The following RAB43 variants were observed in gnomAD, a reference collection of about 807,000 sequenced individuals.
RAB43 encodes ras-related protein Rab-43.
RAB43 carries 6 observed loss-of-function variants against 18.8 expected under a neutral mutation model. The ratio of observed to expected loss-of-function variants is 0.32; its 90% CI spans 0.17 to 0.63. RAB43 has a LOEUF of 0.63. Among genes scored for constraint, RAB43 ranks in the 30% least tolerant of loss-of-function variants. The pLI, the probability that RAB43 is intolerant of heterozygous loss-of-function variation, is 0.79. For synonymous variants in RAB43, 103 were observed against 124.1 expected (o/e 0.83, Z 1.13); for missense variants, 195 against 289.1 (o/e 0.67, Z 2.36).
intron 1 of RAB43, among the ~76,000 whole-genome samples, chr3:129,111,052 C>T (rs1225083564): frequency 3.3e-5 from 5 of 152,134 alleles, no homozygotes; most frequent in Admixed American, 1.3e-4. Flanking sequence ...CACACCTCAC[C>T]TTCCACCCAT....
chr3:129,102,680 G>A (rs910753703), intron 1 of RAB43, among the ~76,000 whole-genome samples: 14 of 149,088 alleles, frequency 9.4e-5, no homozygotes, highest in Admixed American at 7.4e-4. Flanking sequence ...CTTGTCATGG[G>A]ATCACAGAGA....
intron 1 of RAB43, among the ~76,000 whole-genome samples, chr3:129,114,976 A>G (rs1576847227): frequency 6.6e-6 from 1 of 150,686 alleles, no homozygotes; most frequent in South Asian, 2.1e-4. Flanking sequence ...CCTGACCCCC[A>G]CCCCCCGCAA....
chr3:129,092,028 AG>A (rs1379764078), intron 2 of RAB43, among the ~76,000 whole-genome samples: 1 of 151,192 alleles, frequency 6.6e-6, no homozygotes, highest in Admixed American at 6.6e-5. Flanking sequence ...ACTGTACTCC[AG>A]CCTGGGCAAC....
At chr3:129,117,367 A>G (rs1316197419) in intron 1 of RAB43, among the ~76,000 whole-genome samples, 1 of 152,220 alleles carries the variant, frequency 6.6e-6, no homozygotes, top group African/African-American at 2.4e-5. Flanking sequence ...GGCAGGGTTG[A>G]AGCAAGACTC....
Position 129,099,911 on chromosome 3 carries a change from A to AT in RAB43, c.205-4743dup, listed in dbSNP as rs773890917. Among the ~76,000 whole-genome samples, 13 of 152,356 alleles carry AT rather than the reference A, an allele frequency of 8.5e-5. No individual in the cohort carries two copies. In the East Asian group the frequency reaches 9.6e-4, roughly 11 times the overall value. On this transcript the variant is annotated intron_variant, in intron 1 of 2. Coordinates refer to ENST00000315150, the MANE Select transcript of RAB43 (RefSeq NM_198490.3). Reference sequence around the variant, plus strand: ...TAATACCAAACTGTCTCATACTCACATAATTGCAGTTCCAGGAAAAGATAG... The same window carrying AT: ...TAATACCAAACTGTCTCATACTCACATTAATTGCAGTTCCAGGAAAAGATAG...
Position 129,109,928 on chromosome 3 carries a change from G to A in RAB43, c.204+11358C>T, listed in dbSNP as rs887928429. On this transcript the variant is annotated intron_variant, in intron 1 of 2. Transcript: ENST00000315150. ...CACTTAGGCTGGAGTGCAGTGGTGC[G>A]ATCCTGGCTCACTGCAGCCTCGACC... 4.6e-5 allele frequency among the ~76,000 whole-genome samples: 7 copies of A among 151,492 alleles called. No individual in the cohort carries two copies. In the East Asian group the frequency reaches 7.8e-4, roughly 17 times the overall value.
At chr3:129,102,106 C>T (rs1399979362) in intron 1 of RAB43, among the ~76,000 whole-genome samples, 2 of 152,232 alleles carry the variant, frequency 1.3e-5, no homozygotes, top group Non-Finnish European at 2.9e-5. Context: ...AAGCTCTTCT[C>T]TCCCACCTCT....
chr3:129,092,849 G>A (rs1298817310), intron 2 of RAB43, among the ~76,000 whole-genome samples: 6 of 151,600 alleles, frequency 4.0e-5, no homozygotes, highest in East Asian at 2.0e-4. Flanking sequence ...CCAGCTACTC[G>A]GGAGGCTGAG....
At chr3:129,111,509 CAAAAAA>C (rs59684183) in intron 1 of RAB43, among the ~76,000 whole-genome samples, 3 of 68,620 alleles carry the variant, frequency 4.4e-5, no homozygotes, top group Non-Finnish European at 9.2e-5. Flanking sequence ...GACTCTGTCT[CAAAAAA>C]AAAAAAAAAA....
intron 1 of RAB43, among the ~76,000 whole-genome samples, chr3:129,114,463 C>T (rs1342203244): frequency 2.0e-5 from 3 of 152,176 alleles, no homozygotes; most frequent in South Asian, 2.1e-4. Flanking sequence ...TGGGGATAGT[C>T]TCCCACAGGG....
Position 129,102,464 on chromosome 3 carries a change from A to G in RAB43, c.205-7295T>C, listed in dbSNP as rs112501819. On this transcript the variant is annotated intron_variant, in intron 1 of 2. Transcript: ENST00000315150. The stretch of plus-strand genomic sequence containing the variant: ...GCTAACATGGTGAAACCCCGTCTCT[A>G]CTAAAAATACAAAAAATTAGCTGGG... Among the ~76,000 whole-genome samples the G allele has an allele frequency of 7.4e-3, 1,127 of 152,100 alleles. 13 individuals carry two copies. The highest frequency in any genetic ancestry group is 0.026 in the African/African-American group (1,066 of 41,464).
At chr3:129,102,235 C>T (rs187922970) in intron 1 of RAB43, among the ~76,000 whole-genome samples, 13 of 152,330 alleles carry the variant, frequency 8.5e-5, no homozygotes, top group African/African-American at 3.1e-4. Flanking sequence ...CCTCCTTCTC[C>T]AGGTCAGTCT....
At chr3:129,098,568 T>C (rs893740511) in intron 1 of RAB43, among the ~76,000 whole-genome samples, 5 of 152,090 alleles carry the variant, frequency 3.3e-5, no homozygotes, top group African/African-American at 4.8e-5. Context: ...AAGCAATCTA[T>C]TGACACTGAT....
chr3:129,091,474 T>A, intron 2 of RAB43, 128 bp from the exon 3 acceptor site: 2 of 1,247,284 alleles, frequency 1.6e-6, no homozygotes, highest in Non-Finnish European at 2.2e-6. Flanking sequence ...CCTGGCATGG[T>A]CATCTGTCTT....
chr3:129,089,468 A>T lies in RAB43; in HGVS notation c.*1628T>A, dbSNP rs1933509715. 1.3e-5 allele frequency: 1 copy of T among 77,528 alleles called. No homozygotes were observed. Among genetic ancestry groups the T allele is most frequent in the African/African-American group, 5.2e-5 (1 of 19,404 alleles). The allele number at this position is 77,528 out of a possible 1,614,324, so 4.8% of individuals were successfully genotyped here. On this transcript the variant is annotated 3_prime_UTR_variant, in exon 3 of 3. Coordinates refer to ENST00000315150, the MANE Select transcript of RAB43 (RefSeq NM_198490.3). ...TGGCGCCCCCCAATCTGATGCACCC[A>T]GACTCCCCTCAATGCAGGTGCTAGC...
chr3:129,091,239 A>G lies in RAB43; in HGVS notation c.496T>C (p.Ser166Pro). Residue 166 changes from serine to proline, a missense_variant, in exon 3 of 3, where the codon TCG becomes CCG. Coordinates refer to ENST00000315150, the MANE Select transcript of RAB43 (RefSeq NM_198490.3). Reference sequence around the variant, plus strand: ...AGGAAGGCCTCCTCCACGTTGCTCGAGTCCTTGGCAGACGTCTCAATGGCA... The same window carrying G: ...AGGAAGGCCTCCTCCACGTTGCTCGGGTCCTTGGCAGACGTCTCAATGGCA... ...LCAIETSAKD[S>P]SNVEEAFLRV... is the part of the protein sequence containing the mutation. The G allele has an allele frequency of 6.3e-7, 1 of 1,594,330 alleles. No homozygotes were observed. Among genetic ancestry groups the G allele is most frequent in the Non-Finnish European group, 8.6e-7 (1 of 1,169,112 alleles).
intron 1 of RAB43, among the ~76,000 whole-genome samples, chr3:129,106,863 G>A (rs1407560834): frequency 6.6e-6 from 1 of 152,208 alleles, no homozygotes; most frequent in African/African-American, 2.4e-5. Flanking sequence ...GGGAGGCTTG[G>A]TGGCGATGCA....
chr3:129,103,547 T>G (rs1430439237), intron 1 of RAB43, among the ~76,000 whole-genome samples: 1 of 149,662 alleles, frequency 6.7e-6, no homozygotes, highest in African/African-American at 2.5e-5. Flanking sequence ...GTGACTGGCC[T>G]CCTCATTCAT....
In RAB43 at chr3:129,121,353, C is replaced by T. The variant is rs755333802; in HGVS notation, c.137G>A (p.Arg46His). 2 of 1,610,760 alleles carry T rather than the reference C, an allele frequency of 1.2e-6. No homozygotes were observed. The highest frequency in any genetic ancestry group is 1.7e-6 in the Non-Finnish European group (2 of 1,178,722). Residue 46 changes from arginine to histidine, a missense_variant, in exon 1 of 3, where the codon CGC becomes CAC. Arg to His is a conservative substitution (Grantham distance 29). Transcript: ENST00000315150. Reference sequence around the variant, plus strand: ...GTCGACGCCGATGGTGCTTCCCTGGCGCTCCGAGAAGGCGCCGGTCTTGAA... The same window carrying T: ...GTCGACGCCGATGGTGCTTCCCTGGTGCTCCGAGAAGGCGCCGGTCTTGAA... ...QRFKTGAFSE[R>H]QGSTIGVDFT...
Sources: allele counts gnomAD v4.1 joint callset (sites outside exome capture counted in the v4.1 genomes callset), GRCh38; gene constraint gnomAD v4.1.1; transcripts MANE v1.5; gene names NCBI Gene and HGNC (gene_info 2026-07-23, HGNC 2026-07-21).